The following KANK2 variants were observed in gnomAD, a reference collection of about 807,000 sequenced individuals.
The protein encoded by KANK2 is KN motif and ankyrin repeat domains 2.
In KANK2, 41 loss-of-function variants were observed where a neutral mutation model predicts 74.6. The observed-to-expected ratio is 0.55, with a 90% confidence interval of 0.43 to 0.71. The LOEUF (loss-of-function observed/expected upper bound fraction) is 0.71. Among genes scored for constraint, KANK2 ranks in the 30% least tolerant of loss-of-function variants. KANK2 has a pLI of 0.00. For synonymous variants in KANK2, 537 were observed against 519.0 expected (o/e 1.03, Z -0.47); for missense variants, 1,148 against 1,196.4 (o/e 0.96, Z 0.60).
At chr19:11,190,346 T>C (rs1302449401) in intron 4 of KANK2, among the ~76,000 whole-genome samples, 1 of 152,136 alleles carries the variant, frequency 6.6e-6, no homozygotes, top group Non-Finnish European at 1.5e-5. Context: ...CAGGCTGGTC[T>C]TGAACCCCTG....
In KANK2 at chr19:11,183,614, G is replaced by A. The variant is rs376959164; in HGVS notation, c.1250-4894C>T. On this transcript the variant is annotated intron_variant, in intron 4 of 12. Transcript: ENST00000586659. The stretch of plus-strand genomic sequence containing the variant: ...AGTGATCCTCCCACTTCAGCCTCCC[G>A]AGTAGCTGGGACTACAGGCATGCAC... Among the ~76,000 whole-genome samples, 254 of 151,922 alleles carry A rather than the reference G, an allele frequency of 1.7e-3. 2 individuals carry two copies. The highest frequency in any genetic ancestry group is 3.0e-3 in the Admixed American group (45 of 15,246).
At position 11,170,289 on chromosome 19, in the gene KANK2, C is replaced by T; in HGVS notation, c.2212-41G>A. On this transcript the variant is annotated intron_variant, in intron 10 of 12. Transcript: ENST00000586659. The surrounding 1 kb of genome is among the most constrained non-coding windows in gnomAD (Gnocchi z 5.2). ...AACAGGATTATGGTTCATGCAGGCC[C>T]CAGGGCAGGACACCCCCTGGTCTAG... 6.4e-7 allele frequency: 1 copy of T among 1,567,306 alleles called. No homozygotes were observed. The highest frequency in any genetic ancestry group is 8.7e-7 in the Non-Finnish European group (1 of 1,148,486).
chr19:11,173,706 G>A (rs1480706843), intron 9 of KANK2, among the ~76,000 whole-genome samples: 3 of 152,172 alleles, frequency 2.0e-5, no homozygotes, highest in African/African-American at 7.2e-5. Flanking sequence ...GACTGGGAAG[G>A]AAGTGTCTCC....
chr19:11,168,479 G>A (rs2147367931), intron 12 of KANK2, among the ~76,000 whole-genome samples: 1 of 152,058 alleles, frequency 6.6e-6, no homozygotes, highest in Non-Finnish European at 1.5e-5. Context: ...ATCTCCCTAT[G>A]TTGCCCAGGC....
At chr19:11,184,373 C>CAA (rs2078616376) in intron 4 of KANK2, among the ~76,000 whole-genome samples, 1 of 123,838 alleles carries the variant, frequency 8.1e-6, no homozygotes, top group Non-Finnish European at 1.8e-5. Flanking sequence ...GAAACTCTGT[C>CAA]TCAAAAACAA....
chr19:11,166,633 CT>C (rs770686291), intron 12 of KANK2, 22 bp from the exon 13 acceptor site: 78 of 1,613,470 alleles, frequency 4.8e-5, no homozygotes, highest in Admixed American at 1.7e-5. Context: ...AAGCAGAATT[CT>C]TTTTGTTTGG....
rs2078902662 is a variant in KANK2 at position 11,193,090 on chromosome 19, G to T, written c.990C>A (p.Val330=). The change falls in exon 4 of 13, where the codon GTC becomes GTA. Residue 330 remains valine (V), a synonymous_variant. Transcript: ENST00000586659. This position sits in a 1 kb window ranked among gnomAD's most constrained non-coding sequence, Gnocchi z 9.6. ...PPDSPVRVDT[V]RVVEGPREVE... ...CCTCCCGTGGCCCTTCTACCACCCG[G>T]ACTGTATCCACGCGGACCGGGCTGT... 1 of 1,609,314 alleles carries T rather than the reference G, an allele frequency of 6.2e-7. No individual in the cohort carries two copies. Among genetic ancestry groups the T allele is most frequent in the Non-Finnish European group, 8.5e-7 (1 of 1,178,032 alleles).
intron 4 of KANK2, among the ~76,000 whole-genome samples, chr19:11,179,813 T>C (rs1479909002): frequency 6.6e-6 from 1 of 152,178 alleles, no homozygotes; most frequent in Non-Finnish European, 1.5e-5. Context: ...CAGTTTCCTT[T>C]TTGTGTAGCC....
chr19:11,192,432 T>TG (rs150553741), intron 4 of KANK2: 10 of 30,904 alleles, frequency 3.2e-4, no homozygotes, highest in Admixed American at 1.4e-3. Context: ...CTTGGCATTC[T>TG]TTTTTTTTTT....
At chr19:11,191,424 T>A (rs983075639) in intron 4 of KANK2, among the ~76,000 whole-genome samples, 1 of 152,222 alleles carries the variant, frequency 6.6e-6, no homozygotes, top group Non-Finnish European at 1.5e-5. Flanking sequence ...ACAGCCGGCA[T>A]CCCCTTTCCT....
intron 4 of KANK2, among the ~76,000 whole-genome samples, chr19:11,190,483 CCCT>C (rs1378670504): frequency 6.6e-6 from 1 of 152,150 alleles, no homozygotes; most frequent in Non-Finnish European, 1.5e-5. Flanking sequence ...TGAATCTCCT[CCCT>C]AAGCCTCAGT....
chr19:11,169,829 T>C, intron 12 of KANK2, 48 bp downstream of exon 12: 3 of 1,470,476 alleles, frequency 2.0e-6, no homozygotes, highest in Non-Finnish European at 2.9e-6. Context: ...TCTCTGTCCT[T>C]TCAGAGACCC....
rs138305694 is a variant in KANK2, at chr19:11,193,491, G to T, written c.589C>A (p.Arg197=). 6.2e-7 allele frequency: 1 copy of T among 1,610,618 alleles called. No homozygotes were observed. The highest frequency in any genetic ancestry group is 8.5e-7 in the Non-Finnish European group (1 of 1,179,926). ...TGCTCCTCCAGCTGCCGCAGCTTCCGCAGGGCACCCGCCATCTGCTCCCGC... is the reference window on the plus strand; with the variant it reads ...TGCTCCTCCAGCTGCCGCAGCTTCCTCAGGGCACCCGCCATCTGCTCCCGC... The part of the protein sequence containing the change: ...HVREQMAGAL[R]KLRQLEEQVK... Residue 197 remains arginine, a synonymous_variant, in exon 4 of 13, where the codon CGG becomes AGG. Transcript: ENST00000586659. The surrounding 1 kb of genome is among the most constrained non-coding windows in gnomAD (Gnocchi z 9.6).
rs1162749902 is a variant in KANK2, at chr19:11,173,134, TGGTGTGAACCCTCAGACCAG to T, written c.2069-31_2069-12del. 2 of 1,608,866 alleles carry T rather than the reference TGGTGTGAACCCTCAGACCAG, an allele frequency of 1.2e-6. No individual in the cohort carries two copies. Among genetic ancestry groups the T allele is most frequent in the Non-Finnish European group, 1.7e-6 (2 of 1,177,182 alleles). ...CCACCTTGCAGACACCTAAGAGACA[TGGTGTGAACCCTCAGACCAG>T]GGATCGCTGCTAGTGGACTGCCCCA... On this transcript the variant is annotated splice_polypyrimidine_tract_variant and intron_variant, in intron 9 of 12. Coordinates refer to ENST00000586659, the MANE Select transcript of KANK2 (RefSeq NM_001136191.3).
chr19:11,171,560 G>T lies in KANK2; in HGVS notation c.2212-1312C>A, dbSNP rs946595048. ...TTTTTAATAGAGAGGAGGTGGGGGTGGGGGGGTGTCTCTAGGTTCCCCAGG... is the reference window on the plus strand; with the variant it reads ...TTTTTAATAGAGAGGAGGTGGGGGTTGGGGGGTGTCTCTAGGTTCCCCAGG... On this transcript the variant is annotated intron_variant, in intron 10 of 12. Coordinates refer to ENST00000586659, the MANE Select transcript of KANK2 (RefSeq NM_001136191.3). Among the ~76,000 whole-genome samples, 94 of 141,518 alleles carry T rather than the reference G, an allele frequency of 6.6e-4. 1 individual carries two copies. Among genetic ancestry groups the T allele is most frequent in the Non-Finnish European group, 1.1e-3 (70 of 61,386 alleles). The allele number at this position is 141,518 out of a possible 152,430, so 92.8% of individuals were successfully genotyped here. A position where few individuals can be genotyped will look rare whatever the true frequency, so the allele number is the denominator to read the frequency against.
chr19:11,183,639 C>A (rs1600817416), intron 4 of KANK2, among the ~76,000 whole-genome samples: 1 of 151,794 alleles, frequency 6.6e-6, no homozygotes, highest in Admixed American at 6.6e-5. Context: ...CAGGCATGCA[C>A]CACCATGCCC....
At chr19:11,189,196 G>A (rs35803248) in intron 4 of KANK2, among the ~76,000 whole-genome samples, 56,640 of 146,196 alleles carry the variant, frequency 0.39, 11,075 homozygotes, top group South Asian at 0.59. Context: ...GGCTCAAGCA[G>A]TCCTCCTGTT....
chr19:11,171,093 G>A (rs564756660), intron 10 of KANK2, among the ~76,000 whole-genome samples: 14 of 152,122 alleles, frequency 9.2e-5, no homozygotes, highest in Non-Finnish European at 1.6e-4. Flanking sequence ...GTGAGCCATC[G>A]TGCCCAGCCT....
intron 4 of KANK2, among the ~76,000 whole-genome samples, chr19:11,178,990 C>T (rs1325794970): frequency 6.6e-6 from 1 of 152,166 alleles, no homozygotes; most frequent in Non-Finnish European, 1.5e-5. Flanking sequence ...CCTGTGGCCC[C>T]ATATTCCTGG....
Sources: gnomAD v4.1 joint callset for allele counts (sites outside exome capture counted in the v4.1 genomes callset) on GRCh38, gnomAD v4.1.1 for gene constraint, Gnocchi (gnomAD v3.1) non-coding constraint, MANE v1.5 for transcripts, NCBI Gene and HGNC (gene_info 2026-07-23, HGNC 2026-07-21) for gene names.